ATP8B4: variants seen among roughly 807,000 people sequenced by gnomAD.
The protein encoded by ATP8B4 is probable phospholipid-transporting ATPase IM.
ATP8B4 carries 133 observed loss-of-function variants against 145.6 expected under a neutral mutation model. That is an observed-to-expected ratio of 0.91 (90% confidence interval 0.79 to 1.05). The LOEUF (loss-of-function observed/expected upper bound fraction) is 1.05, where lower values mean the gene tolerates loss of function less well. Ranked by LOEUF, ATP8B4 falls within the 50% of genes least tolerant of loss-of-function variation. The pLI is 0.00. For synonymous variants in ATP8B4, 507 were observed against 492.9 expected, an observed-to-expected ratio of 1.03 and a Z score of -0.38; for missense variants, 1,458 against 1,425.2, an observed-to-expected ratio of 1.02 and a Z score of -0.37.
intron 1 of ATP8B4, among the ~76,000 whole-genome samples, chr15:50,141,400 A>G (rs982011382): frequency 6.6e-6 from 1 of 152,160 alleles, no homozygotes; most frequent in Non-Finnish European, 1.5e-5. Flanking sequence ...GAGTAAGGCA[A>G]AAAGTTTGGG....
At chr15:49,868,113 G>A (rs770517075) in intron 25 of ATP8B4, among the ~76,000 whole-genome samples, 18 of 152,140 alleles carry the variant, frequency 1.2e-4, no homozygotes, top group Non-Finnish European at 2.2e-4. Context: ...ATAACAAATA[G>A]CATAGATTTT....
intron 1 of ATP8B4, among the ~76,000 whole-genome samples, chr15:50,165,440 T>C (rs2044581664): frequency 1.3e-5 from 2 of 152,160 alleles, no homozygotes; most frequent in African/African-American, 2.4e-5. Context: ...CATGTTTCTT[T>C]TGTGTGGATA....
chr15:49,924,223 T>G (rs1056478183), intron 16 of ATP8B4, among the ~76,000 whole-genome samples: 4 of 152,166 alleles, frequency 2.6e-5, no homozygotes, highest in African/African-American at 9.7e-5. Context: ...ATATTGCTGT[T>G]AGACAAAGCT....
intron 21 of ATP8B4, among the ~76,000 whole-genome samples, chr15:49,900,138 G>T (rs2037858835): frequency 6.6e-6 from 1 of 152,188 alleles, no homozygotes; most frequent in Non-Finnish European, 1.5e-5. Context: ...AAGGAATTTT[G>T]TGTCATGTGG....
chr15:50,049,044 G>A (rs146542497), intron 3 of ATP8B4, among the ~76,000 whole-genome samples: 190 of 152,300 alleles, frequency 1.2e-3, no homozygotes, highest in Non-Finnish European at 2.2e-3. Flanking sequence ...AAAAAGTCCA[G>A]CATGATAAAG....
chr15:50,045,757 G>A (rs2051664497), intron 4 of ATP8B4, among the ~76,000 whole-genome samples: 2 of 152,144 alleles, frequency 1.3e-5, no homozygotes, highest in Non-Finnish European at 2.9e-5. Flanking sequence ...ATAAAGAAAG[G>A]AGAGGTTAGA....
At chr15:50,092,835 T>C (rs974854261) in intron 2 of ATP8B4, among the ~76,000 whole-genome samples, 2 of 151,918 alleles carry the variant, frequency 1.3e-5, no homozygotes, top group African/African-American at 2.4e-5. Context: ...TCCAAAACTT[T>C]CAAAAGACAT....
At chr15:50,037,585 T>C (rs752261048) in intron 6 of ATP8B4, among the ~76,000 whole-genome samples, 10 of 152,120 alleles carry the variant, frequency 6.6e-5, no homozygotes, top group Non-Finnish European at 1.3e-4. Context: ...TTATTCAGAG[T>C]AGGACAAAAC....
At chr15:50,104,473 T>A (rs558058816) in intron 2 of ATP8B4, among the ~76,000 whole-genome samples, 1 of 151,992 alleles carries the variant, frequency 6.6e-6, no homozygotes, top group East Asian at 1.9e-4. Context: ...AACAAATATA[T>A]GAAAAAATGC....
At chr15:49,940,206 T>C (rs899970549) in intron 14 of ATP8B4, among the ~76,000 whole-genome samples, 10 of 152,298 alleles carry the variant, frequency 6.6e-5, no homozygotes, top group African/African-American at 2.4e-4. Flanking sequence ...CATGGAATAC[T>C]ATACAGCCAT....
At chr15:49,962,210 A>G (rs1282720983) in intron 13 of ATP8B4, among the ~76,000 whole-genome samples, 190 bp from the exon 14 acceptor site, 1 of 152,244 alleles carries the variant, frequency 6.6e-6, no homozygotes, top group African/African-American at 2.4e-5. Context: ...GCAGTGAGAC[A>G]TTCGTGTTTG....
At chr15:49,989,783 C>T (rs2046908583) in intron 9 of ATP8B4, among the ~76,000 whole-genome samples, 1 of 152,060 alleles carries the variant, frequency 6.6e-6, no homozygotes, top group African/African-American at 2.4e-5. Flanking sequence ...CAGAAGTGCT[C>T]GGCTTCCCCT....
At chr15:50,172,755 G>A (rs867167431) in intron 1 of ATP8B4, among the ~76,000 whole-genome samples, 9 of 149,316 alleles carry the variant, frequency 6.0e-5, no homozygotes, top group Non-Finnish European at 1.0e-4. Context: ...CTGCCCCGCC[G>A]CCCCGTCTGA....
At chr15:49,996,573 C>T in intron 9 of ATP8B4, 104 bp downstream of exon 9, 1 of 926,586 alleles carries the variant, frequency 1.1e-6, no homozygotes. Flanking sequence ...AATTTGATGT[C>T]CTTCCACCAA....
chr15:49,942,136 C>A (rs552682104), intron 14 of ATP8B4, among the ~76,000 whole-genome samples: 1 of 152,080 alleles, frequency 6.6e-6, no homozygotes, highest in South Asian at 2.1e-4. Flanking sequence ...TCAGACTTCA[C>A]GACTGCAATT....
At chr15:50,045,858 C>A (rs944025528) in intron 4 of ATP8B4, among the ~76,000 whole-genome samples, 2 of 152,086 alleles carry the variant, frequency 1.3e-5, no homozygotes, top group Non-Finnish European at 2.9e-5. Flanking sequence ...GAAATGAATT[C>A]AAAATTCTGG....
Position 49,996,734 on chromosome 15 carries a change from C to T in ATP8B4, c.532G>A (p.Ala178Thr). 1 of 1,610,562 alleles carries T rather than the reference C, an allele frequency of 6.2e-7. No homozygotes were observed. Among genetic ancestry groups the T allele is most frequent in the Non-Finnish European group, 8.5e-7 (1 of 1,177,552 alleles). Reference protein sequence around the residue: ...DGETNLKVRHALSVTSELGAD... With the variant: ...DGETNLKVRHTLSVTSELGAD... ...CCAAGTTCTGAAGTAACTGATAGTG[C>T]ATGGCGGACTTTTAGGTTCGTTTCC... is the stretch of plus-strand genomic sequence containing the variant. Residue 178 changes from alanine (A) to threonine (T), a missense_variant, in exon 9 of 28, where the codon GCA (alanine) becomes ACA (threonine). By Grantham distance (58) the Ala-to-Thr change is moderately conservative. Transcript: ENST00000284509.
At chr15:50,024,860 C>A (rs1475557887) in intron 6 of ATP8B4, among the ~76,000 whole-genome samples, 2 of 152,136 alleles carry the variant, frequency 1.3e-5, no homozygotes, top group South Asian at 2.1e-4. Context: ...TCCAGCAGTG[C>A]CCAAGAGACT....
chr15:49,892,462 T>C (rs1341095516), intron 23 of ATP8B4, among the ~76,000 whole-genome samples: 2 of 152,212 alleles, frequency 1.3e-5, no homozygotes, highest in Non-Finnish European at 2.9e-5. Context: ...AATGGAAGTT[T>C]TTGTAAAGGG....
Sources: gnomAD v4.1 joint callset for allele counts (sites outside exome capture counted in the v4.1 genomes callset) on GRCh38, gnomAD v4.1.1 for gene constraint, MANE v1.5 for transcripts, NCBI Gene and HGNC (gene_info 2026-07-23, HGNC 2026-07-21) for gene names.